Variants in CATSPER4 observed in about 807,000 individuals in gnomAD.
CATSPER4 encodes the protein cation channel sperm-associated protein 4.
A neutral mutation model predicts 54.4 loss-of-function variants in CATSPER4; 46 were observed. That is an observed-to-expected ratio of 0.84 (90% CI 0.67 to 1.08). The LOEUF (loss-of-function observed/expected upper bound fraction) is 1.08, where lower values mean the gene tolerates loss of function less well. Ranked by LOEUF, CATSPER4 falls within the 50% of genes least tolerant of loss-of-function variation. CATSPER4 has a pLI of 0.00. For missense variants in CATSPER4, 574 were observed against 612.8 expected, an observed-to-expected ratio of 0.94 and a Z score of 0.67; for synonymous variants, 230 against 231.9, an observed-to-expected ratio of 0.99 and a Z score of 0.08.
chr1:26,200,197 C>T, intron 7 of CATSPER4, 139 bp downstream of exon 7: 2 of 985,426 alleles, frequency 2.0e-6, no homozygotes, highest in East Asian at 2.6e-5. Context: ...GCAGCAGCCC[C>T]CCATCTTGAG....
intron 3 of CATSPER4, among the ~76,000 whole-genome samples, chr1:26,195,273 T>G (rs891974639): frequency 3.3e-5 from 5 of 152,186 alleles, no homozygotes; most frequent in Non-Finnish European, 7.3e-5. Flanking sequence ...AGTGTTGCTA[T>G]AAAGGAATAC....
rs1336340147 is a variant in CATSPER4, at chr1:26,202,571, C to T, written c.*29C>T. 1.9e-6 allele frequency: 3 copies of T among 1,582,808 alleles called. No individual in the cohort carries two copies. The Admixed American group carries it at 5.1e-5, about 27-fold the overall frequency. On this transcript the variant is annotated 3_prime_UTR_variant, in exon 10 of 10. Transcript: ENST00000456354. ...GCCAGGATGGGAGCCAAGGGGCCTG[C>T]ACACACACACCCAGCCGCTGCGTCT...
intron 7 of CATSPER4, 33 bp from the exon 8 acceptor site, chr1:26,200,797 T>C (rs940900554): frequency 1.3e-6 from 2 of 1,572,550 alleles, no homozygotes; most frequent in Non-Finnish European, 1.8e-6. Context: ...CTGCCTGAGC[T>C]GTCCCGACCC....
At chr1:26,201,654 C>T (rs544991600) in intron 9 of CATSPER4, 135 bp downstream of exon 9, 10 of 758,256 alleles carry the variant, frequency 1.3e-5, no homozygotes, top group Admixed American at 7.8e-5. Flanking sequence ...CACCACCCCT[C>T]CTTTTTTTTC....
intron 3 of CATSPER4, among the ~76,000 whole-genome samples, chr1:26,194,244 A>C (rs1439393301): frequency 6.6e-6 from 1 of 152,270 alleles, no homozygotes. Context: ...TTTAAGCTTC[A>C]TGGCTGTACA....
At position 26,194,003 on chromosome 1, in the gene CATSPER4, C is replaced by T. The variant is rs2088905749; in HGVS notation, c.459+115C>T. 5 of 783,672 alleles carry T rather than the reference C, an allele frequency of 6.4e-6. No homozygotes were observed. In the South Asian group the frequency reaches 6.8e-5, roughly 11 times the overall value. 48.5% of individuals were successfully genotyped at this position (783,672 alleles called of 1,614,324 possible). A position where few individuals can be genotyped will look rare whatever the true frequency, so the allele number is the denominator to read the frequency against. ...GTGTGAGTATGTGTGTGTGTGTAGA[C>T]AGAGTGTGTTAGTTCAGAGATGTGT... On this transcript the variant is annotated intron_variant, in intron 3 of 9. Transcript: ENST00000456354.
In CATSPER4 at chr1:26,202,450, G is replaced by A. The variant is rs755810568; in HGVS notation, c.1366-39G>A. ...GAGTAACGGAGGCTGCCATATCGGGGGGAGTGGGGGATTAACAAGAAGACC... is the reference window on the plus strand; with the variant it reads ...GAGTAACGGAGGCTGCCATATCGGGAGGAGTGGGGGATTAACAAGAAGACC... On this transcript the variant is annotated intron_variant, in intron 9 of 9. Coordinates refer to ENST00000456354, the MANE Select transcript of CATSPER4 (RefSeq NM_198137.2). 3.8e-6 allele frequency: 6 copies of A among 1,588,580 alleles called. No homozygotes were observed. The Admixed American group carries it at 1.0e-4, about 27-fold the overall frequency.
chr1:26,199,904 C>T lies in CATSPER4; in HGVS notation c.833C>T (p.Ala278Val), dbSNP rs777123985. Residue 278 changes from alanine to valine, a missense_variant, in exon 7 of 10, where the codon GCA becomes GTA. Physicochemically the swap from Ala to Val is moderately conservative, Grantham distance 64 (BLOSUM62 0). Transcript: ENST00000456354. ...TGCAGGACAGAGAAGAGGGAATATG[C>T]AATGGAGATTGGGGGTGCCATCTAC... ...SDFQTEKREY[A>V]MEIGGAIYFT... 20 of 1,614,158 alleles carry T rather than the reference C, an allele frequency of 1.2e-5. No individual in the cohort carries two copies. The highest frequency in any genetic ancestry group is 1.7e-5 in the Non-Finnish European group (20 of 1,180,034).
intron 9 of CATSPER4, 57 bp from the exon 10 acceptor site, chr1:26,202,432 G>A (rs1195900223): frequency 1.1e-5 from 17 of 1,498,122 alleles, no homozygotes; most frequent in Non-Finnish European, 1.5e-5. Context: ...GGTGAGTAAC[G>A]GAGGCTGCCA....
chr1:26,192,599 A>AT (rs35975699), intron 2 of CATSPER4, among the ~76,000 whole-genome samples: 105,067 of 145,260 alleles, frequency 0.72, 39,204 homozygotes, highest in African/African-American at 0.78. Context: ...CAAAAAAAAA[A>AT]TTTTTTTTGT....
At position 26,202,859 on chromosome 1, in the gene CATSPER4, GC is replaced by G. The variant is rs1348851016; in HGVS notation, c.*320del. 1.4e-5 allele frequency: 6 copies of G among 441,186 alleles called. No individual in the cohort carries two copies. The highest frequency in any genetic ancestry group is 1.2e-4 in the African/African-American group (6 of 50,696). 27.3% of individuals were successfully genotyped at this position (441,186 alleles called of 1,614,324 possible). A position where few individuals can be genotyped will look rare whatever the true frequency, so the allele number is the denominator to read the frequency against. ...TGGGGATCCCTGGCCCCCTGCTCTTGCCCAGAGCTGGTGGGGGGCCTCAGTG... is the reference window on the plus strand; with the variant it reads ...TGGGGATCCCTGGCCCCCTGCTCTTGCCAGAGCTGGTGGGGGGCCTCAGTG... On this transcript the variant is annotated 3_prime_UTR_variant, in exon 10 of 10. Transcript: ENST00000456354.
At chr1:26,193,118 G>A (rs1238712376) in intron 2 of CATSPER4, among the ~76,000 whole-genome samples, 1 of 151,852 alleles carries the variant, frequency 6.6e-6, no homozygotes, top group African/African-American at 2.4e-5. Flanking sequence ...ACTGCTAGGT[G>A]GAGTCGGGCA....
intron 4 of CATSPER4, 62 bp downstream of exon 4, chr1:26,197,845 G>A: frequency 6.2e-7 from 1 of 1,606,900 alleles, no homozygotes; most frequent in Non-Finnish European, 8.5e-7. Context: ...TGAGATGGGG[G>A]GATAACGACC....
Position 26,202,673 on chromosome 1 carries a change from G to C in CATSPER4, c.*131G>C. ...CCTTATACCTGGGCAGAGGCCAGGG[G>C]CTGTGAAGGTGGCAGCACCTGCAGG... On this transcript the variant is annotated 3_prime_UTR_variant, in exon 10 of 10. Coordinates refer to ENST00000456354, the MANE Select transcript of CATSPER4 (RefSeq NM_198137.2). 1 of 865,058 alleles carries C rather than the reference G, an allele frequency of 1.2e-6. No individual in the cohort carries two copies. The highest frequency in any genetic ancestry group is 1.9e-6 in the Non-Finnish European group (1 of 528,166). The allele number at this position is 865,058 out of a possible 1,614,324, so 53.6% of individuals were successfully genotyped here.
In CATSPER4 at chr1:26,195,650, C is replaced by T. The variant is rs189910420; in HGVS notation, c.459+1762C>T. Among the ~76,000 whole-genome samples, 66 of 152,168 alleles carry T rather than the reference C, an allele frequency of 4.3e-4. No homozygotes were observed. The Middle Eastern group carries it at 0.01, about 24-fold the overall frequency. Reference sequence around the variant, plus strand: ...CCGAGTAGCTGGGACTACAGGCGCCCGCCACCACGCCTGGCTAATTTTTTG... The same window carrying T: ...CCGAGTAGCTGGGACTACAGGCGCCTGCCACCACGCCTGGCTAATTTTTTG... On this transcript the variant is annotated intron_variant, in intron 3 of 9. Transcript: ENST00000456354.
At chr1:26,200,408 G>T (rs2088993489) in intron 7 of CATSPER4, among the ~76,000 whole-genome samples, 1 of 152,192 alleles carries the variant, frequency 6.6e-6, no homozygotes, top group Non-Finnish European at 1.5e-5. Context: ...TAAATGAACA[G>T]TGCTTGGCGC....
rs750346299 is a variant in CATSPER4, at chr1:26,197,775, C to T, written c.549C>T (p.Tyr183=). 2 of 1,612,882 alleles carry T rather than the reference C, an allele frequency of 1.2e-6. No individual in the cohort carries two copies. Among genetic ancestry groups the T allele is most frequent in the Admixed American group, 1.7e-5 (1 of 60,028 alleles). The change falls in exon 4 of 10, where the codon TAC becomes TAT. Residue 183 remains tyrosine (Y), a synonymous_variant. Coordinates refer to ENST00000456354, the MANE Select transcript of CATSPER4 (RefSeq NM_198137.2). The part of the protein sequence containing the change: ...INEINIPSIN[Y]TLRALRLVHV... ...AAATCAATATTCCCTCCATCAACTA[C>T]ACTCTCAGGTGAGCGGGGAGCTCTG...
chr1:26,197,359 G>T (rs2088953996), intron 3 of CATSPER4, among the ~76,000 whole-genome samples: 1 of 152,176 alleles, frequency 6.6e-6, no homozygotes, highest in African/African-American at 2.4e-5. Flanking sequence ...GTGTTTTCAT[G>T]TTACCTACCT....
At position 26,199,901 on chromosome 1, in the gene CATSPER4, A is replaced by G; in HGVS notation, c.830A>G (p.Tyr277Cys). Residue 277 changes from tyrosine to cysteine, a missense_variant, in exon 7 of 10, where the codon TAT becomes TGT. Transcript: ENST00000456354. ...ATCTGCAGGACAGAGAAGAGGGAAT[A>G]TGCAATGGAGATTGGGGGTGCCATC... is the stretch of plus-strand genomic sequence containing the variant. ...YSDFQTEKRE[Y>C]AMEIGGAIYF... 6.2e-7 allele frequency: 1 copy of G among 1,614,164 alleles called. No homozygotes were observed. The highest frequency in any genetic ancestry group is 8.5e-7 in the Non-Finnish European group (1 of 1,180,042).
Sources: gnomAD v4.1 joint callset for allele counts (sites outside exome capture counted in the v4.1 genomes callset) on GRCh38, gnomAD v4.1.1 for gene constraint, MANE v1.5 for transcripts, NCBI Gene and HGNC (gene_info 2026-07-23, HGNC 2026-07-21) for gene names.